The following DAB1 variants were observed in gnomAD, a reference collection of about 807,000 sequenced individuals.
DAB1 encodes DAB adaptor protein 1.
A neutral mutation model predicts 64.6 loss-of-function variants in DAB1; 15 were observed. The ratio of observed to expected loss-of-function variants is 0.23; its 90% confidence interval spans 0.16 to 0.36. The LOEUF is 0.36. Ranked by LOEUF, DAB1 falls within the 10% of genes least tolerant of loss-of-function variation. The pLI is 1.00. For missense variants in DAB1, 596 were observed against 706.7 expected, an observed-to-expected ratio of 0.84 and a Z score of 1.78; for synonymous variants, 235 against 251.9, an observed-to-expected ratio of 0.93 and a Z score of 0.64.
chr1:57,895,675 C>T (rs189540020), intron 5 of DAB1, among the ~76,000 whole-genome samples: 115 of 152,248 alleles, frequency 7.6e-4, no homozygotes, highest in African/African-American at 2.7e-3. Context: ...TAATTCCTGG[C>T]ACAGTAATCT....
At chr1:57,959,859 C>CT (rs1645476713) in intron 5 of DAB1, among the ~76,000 whole-genome samples, 1 of 152,130 alleles carries the variant, frequency 6.6e-6, no homozygotes, top group Non-Finnish European at 1.5e-5. Context: ...AAGCAATGGA[C>CT]TTGAAAATCG....
At chr1:58,429,220 G>C (rs1644847285) in intron 3 of DAB1, among the ~76,000 whole-genome samples, 1 of 152,174 alleles carries the variant, frequency 6.6e-6, no homozygotes, top group South Asian at 2.1e-4. Flanking sequence ...AACATAACAA[G>C]ACTCTGTCTC....
At chr1:57,732,633 A>G (rs995360161) in intron 6 of DAB1, among the ~76,000 whole-genome samples, 1 of 152,212 alleles carries the variant, frequency 6.6e-6, no homozygotes, top group African/African-American at 2.4e-5. Context: ...AAAATCCATC[A>G]TCACCTGTGT....
intron 11 of DAB1, among the ~76,000 whole-genome samples, chr1:57,020,969 T>C (rs116094092): frequency 0.013 from 1,952 of 152,258 alleles, 27 homozygotes; most frequent in Admixed American, 0.044. Flanking sequence ...CATACTCCAG[T>C]TCACTTCCCT....
intron 5 of DAB1, among the ~76,000 whole-genome samples, chr1:58,091,935 A>AACACACACACAC (rs59390109): frequency 0.024 from 3,335 of 141,858 alleles, 67 homozygotes; most frequent in East Asian, 0.053. Context: ...AGCTGCATTA[A>AACACACACACAC]ACACACACAC....
At chr1:57,377,402 C>G (rs763891729) in intron 1 of DAB1, among the ~76,000 whole-genome samples, 3 of 152,106 alleles carry the variant, frequency 2.0e-5, no homozygotes, top group Non-Finnish European at 4.4e-5. Flanking sequence ...AATGAAGATA[C>G]CTGAGCACCA....
chr1:57,866,805 C>G (rs924661645), intron 1 of DAB1, among the ~76,000 whole-genome samples: 1 of 152,134 alleles, frequency 6.6e-6, no homozygotes, highest in African/African-American at 2.4e-5. Flanking sequence ...CATGCTGTGC[C>G]CTTCCTTCTT....
chr1:58,082,999 G>A (rs771659941), intron 5 of DAB1, among the ~76,000 whole-genome samples: 1 of 152,162 alleles, frequency 6.6e-6, no homozygotes, highest in African/African-American at 2.4e-5. Flanking sequence ...CTTCAAGAAA[G>A]CTCTAACTTG....
intron 1 of DAB1, among the ~76,000 whole-genome samples, chr1:57,409,504 A>G (rs1683929575): frequency 6.6e-6 from 1 of 152,168 alleles, no homozygotes; most frequent in South Asian, 2.1e-4. Flanking sequence ...TTCAATCTGT[A>G]GGTTAACTTT....
intron 10 of DAB1, 145 bp downstream of exon 10, chr1:57,025,836 T>A (rs41301088): frequency 1.8e-4 from 115 of 644,936 alleles, no homozygotes; most frequent in Non-Finnish European, 2.8e-4. Context: ...GACTAGTTAG[T>A]TTGTCCAAGT....
intron 6 of DAB1, among the ~76,000 whole-genome samples, chr1:57,675,952 A>G (rs1378356712): frequency 2.0e-5 from 3 of 152,240 alleles, no homozygotes; most frequent in Non-Finnish European, 4.4e-5. Context: ...AGCCAGTAGC[A>G]AAACAGCACC....
At chr1:57,365,396 A>C (rs1209975121) in intron 1 of DAB1, among the ~76,000 whole-genome samples, 1 of 145,434 alleles carries the variant, frequency 6.9e-6, no homozygotes, top group East Asian at 2.0e-4. Flanking sequence ...ACATATAAAT[A>C]TATATAAAGA....
upstream of DAB1, among the ~76,000 whole-genome samples, chr1:57,426,875 T>TATATATATATA (rs1553180831): frequency 7.7e-6 from 1 of 129,946 alleles, no homozygotes; most frequent in Non-Finnish European, 1.6e-5. Flanking sequence ...TATATATATA[T>TATATATATATA]TTTTTTGAGA....
intron 1 of DAB1, among the ~76,000 whole-genome samples, chr1:57,395,158 G>A (rs1171713571): frequency 6.6e-6 from 1 of 152,066 alleles, no homozygotes; most frequent in Admixed American, 6.6e-5. Flanking sequence ...TTGAGTAGCC[G>A]GGATTACAGG....
At chr1:58,431,132 A>G (rs1012537818) in intron 3 of DAB1, among the ~76,000 whole-genome samples, 1 of 152,136 alleles carries the variant, frequency 6.6e-6, no homozygotes, top group African/African-American at 2.4e-5. Flanking sequence ...ATGGCTTTTG[A>G]GGTTTACAAG....
chr1:58,316,837 T>C (rs1159480014), intron 4 of DAB1, among the ~76,000 whole-genome samples: 1 of 152,226 alleles, frequency 6.6e-6, no homozygotes, highest in African/African-American at 2.4e-5. Flanking sequence ...GAGTTTATTC[T>C]TAACAGCATT....
chr1:57,376,094 T>C (rs1409491675), intron 1 of DAB1, among the ~76,000 whole-genome samples: 1 of 152,208 alleles, frequency 6.6e-6, no homozygotes, highest in Non-Finnish European at 1.5e-5. Flanking sequence ...TCCTTTCCAT[T>C]ATGGCTTGCT....
chr1:58,496,767 T>G (rs1645810080), intron 3 of DAB1, among the ~76,000 whole-genome samples: 1 of 152,212 alleles, frequency 6.6e-6, no homozygotes, highest in South Asian at 2.1e-4. Flanking sequence ...CTGAATAAGA[T>G]AAAAGTGTCT....
At chr1:58,496,235 G>A (rs1188575629) in intron 3 of DAB1, among the ~76,000 whole-genome samples, 2 of 151,336 alleles carry the variant, frequency 1.3e-5, no homozygotes, top group South Asian at 2.1e-4. Flanking sequence ...CCGCATCAAT[G>A]AGTCTTTGCT....
Sources: allele counts gnomAD v4.1 joint callset (sites outside exome capture counted in the v4.1 genomes callset), GRCh38; gene constraint gnomAD v4.1.1; transcripts MANE v1.5; gene names NCBI Gene and HGNC (gene_info 2026-07-23, HGNC 2026-07-21).